MYH7B: variants seen among roughly 807,000 people sequenced by gnomAD.
MYH7B encodes myosin heavy chain 7B, also known as myosin-7B.
MYH7B carries 205 observed loss-of-function variants against 234.5 expected under a neutral mutation model. The ratio of observed to expected loss-of-function variants is 0.87; its 90% CI spans 0.78 to 0.98. The LOEUF (loss-of-function observed/expected upper bound fraction) is 0.98. Ranked by LOEUF, MYH7B falls within the 50% of genes least tolerant of loss-of-function variation. The pLI is 0.00. For missense variants in MYH7B, 2,652 were observed against 2,633.4 expected, an observed-to-expected ratio of 1.01 and a Z score of -0.15; for synonymous variants, 1,193 against 1,105.0, an observed-to-expected ratio of 1.08 and a Z score of -1.58.
At position 34,982,742 on chromosome 20, in the gene MYH7B, A is replaced by C. The variant is rs183022593; in HGVS notation, c.624+187A>C. 9.3e-3 allele frequency among the ~76,000 whole-genome samples: 1,404 copies of C among 151,552 alleles called. 9 individuals are homozygous for C. Among genetic ancestry groups the C allele is most frequent in the Non-Finnish European group, 0.016 (1,076 of 67,894 alleles). On this transcript the variant is annotated intron_variant, in intron 10 of 44. Transcript: ENST00000262873. ...AGGCTTGACCACAAAGGCTGTGGCC[A>C]CCTGACGCGCCTGCCTTCGCCTTCC...
At chr20:34,993,281 G>A (rs537188454) in intron 25 of MYH7B, 53 bp from the exon 26 acceptor site, 1 of 1,613,874 alleles carries the variant, frequency 6.2e-7, no homozygotes, top group Non-Finnish European at 8.5e-7. Context: ...CACTGGGCAG[G>A]GTTCATGCGG....
chr20:34,960,979 GCACGAGGGC>G (rs1327083794), intron 2 of MYH7B, among the ~76,000 whole-genome samples: 2 of 152,148 alleles, frequency 1.3e-5, no homozygotes, highest in African/African-American at 4.8e-5. Flanking sequence ...GTGGTTGATG[GCACGAGGGC>G]CAACTCTAGG....
At chr20:34,990,488 T>A (rs1335770310) in intron 22 of MYH7B, 178 bp downstream of exon 22, 2 of 905,288 alleles carry the variant, frequency 2.2e-6, no homozygotes, top group Admixed American at 1.7e-5. Context: ...CTACGCTGCC[T>A]GGGCAGGGTT....
chr20:34,990,326 G>A lies in MYH7B; in HGVS notation c.1977+16G>A, dbSNP rs1569048577. 6.2e-7 allele frequency: 1 copy of A among 1,614,054 alleles called. No individual in the cohort carries two copies. The highest frequency in any genetic ancestry group is 1.1e-5 in the South Asian group (1 of 91,078). ...GCTGCACAAGGTAAGGCCCCATCTG[G>A]GAGACAGACCCTCCCTCTTGGCAGC... On this transcript the variant is annotated intron_variant, in intron 22 of 44. Coordinates refer to ENST00000262873, the Ensembl canonical transcript of MYH7B.
At chr20:35,002,218 A>C in exon 45 of MYH7B, 1 of 1,508,572 alleles carries the variant, frequency 6.6e-7, no homozygotes. Context: ...CTAAAGAGGA[A>C]TGTCTGCTGT....
At chr20:34,987,964 A>T in intron 18 of MYH7B, 50 bp downstream of exon 18, 1 of 1,560,348 alleles carries the variant, frequency 6.4e-7, no homozygotes, top group South Asian at 1.2e-5. Flanking sequence ...GGTAGAGGAC[A>T]TGGGCCTGTG....
chr20:35,002,406 AT>A, exon 45 of MYH7B: 1 of 427,912 alleles, frequency 2.3e-6, no homozygotes, highest in Non-Finnish European at 4.1e-6. Context: ...CACAGCAGTC[AT>A]TTTTAAAATA....
chr20:34,986,861 T>C, intron 14 of MYH7B, 25 bp from the exon 15 acceptor site: 1 of 1,591,586 alleles, frequency 6.3e-7, no homozygotes, highest in Non-Finnish European at 8.6e-7. Flanking sequence ...TGCCTGACCC[T>C]CCCTTCTCTG....
chr20:34,994,631 A>AC (rs2082219282), intron 27 of MYH7B, among the ~76,000 whole-genome samples: 2 of 152,080 alleles, frequency 1.3e-5, no homozygotes, highest in Non-Finnish European at 2.9e-5. Flanking sequence ...AAGCAGAGGA[A>AC]CCCCAGCTCC....
chr20:34,990,293 G>T, exon 22 of MYH7B: 4 of 1,614,174 alleles, frequency 2.5e-6, no homozygotes, highest in Non-Finnish European at 3.4e-6. Flanking sequence ...GTTCCAGACG[G>T]TGTCCCAGCT....
rs554955898 is a variant in MYH7B, at chr20:34,982,555, C to T, written c.624C>T (p.Ala208=). The T allele has an allele frequency of 3.1e-5, 50 of 1,595,726 alleles. 1 individual carries two copies. The highest frequency in any genetic ancestry group is 2.2e-4 in the Admixed American group (13 of 58,464). The change falls in exon 10 of 45, where the codon GCC becomes GCT. Residue 208 remains alanine (A), a splice_region_variant and synonymous_variant. Transcript: ENST00000262873. ...TGGGAGACGGGCCGGGCAAGAAGGCCGTAAGACTTGCCCACTCGGGCATGC... is the reference window on the plus strand; with the variant it reads ...TGGGAGACGGGCCGGGCAAGAAGGCTGTAAGACTTGCCCACTCGGGCATGC...
exon 32 of MYH7B, chr20:34,997,605 C>G: frequency 6.2e-7 from 1 of 1,613,622 alleles, no homozygotes; most frequent in Non-Finnish European, 8.5e-7. Flanking sequence ...GGTGGACGAC[C>G]TGGCTGCCAA....
At chr20:34,977,505 A>C in intron 3 of MYH7B, 127 bp from the exon 4 acceptor site, 1 of 831,124 alleles carries the variant, frequency 1.2e-6, no homozygotes, top group Non-Finnish European at 2.0e-6. Context: ...AATGGGAGGT[A>C]AAAATAGCCC....
rs1435750970 is a variant in MYH7B, at chr20:34,990,308, A to C, written c.1975A>C (p.Lys659Gln). 3.7e-6 allele frequency: 6 copies of C among 1,614,154 alleles called. No homozygotes were observed. Among genetic ancestry groups the C allele is most frequent in the Non-Finnish European group, 4.2e-6 (5 of 1,180,028 alleles). Residue 659 changes from lysine to glutamine, a missense_variant and splice_region_variant, in exon 22 of 45, where the codon AAG (lysine) becomes CAG (glutamine). Transcript: ENST00000262873. ...GTTCCAGACGGTGTCCCAGCTGCAC[A>C]AGGTAAGGCCCCATCTGGGAGACAG... is the stretch of plus-strand genomic sequence containing the variant.
exon 40 of MYH7B, chr20:35,000,794 G>A: frequency 5.0e-6 from 8 of 1,613,854 alleles, no homozygotes; most frequent in African/African-American, 1.3e-5. Flanking sequence ...ACCAGAAGAA[G>A]AAGCTGGAGG....
intron 18 of MYH7B, 42 bp from the exon 19 acceptor site, chr20:34,988,050 A>G: frequency 6.3e-7 from 1 of 1,591,492 alleles, no homozygotes; most frequent in Non-Finnish European, 8.6e-7. Context: ...CCCTTTCCCC[A>G]TCTGCGAGAG....
At chr20:34,970,554 G>C (rs1025673537) in intron 2 of MYH7B, among the ~76,000 whole-genome samples, 2 of 152,206 alleles carry the variant, frequency 1.3e-5, no homozygotes, top group Non-Finnish European at 2.9e-5. Context: ...CAGCAGGGTG[G>C]GTGGGGGGTG....
At chr20:35,002,339 ATTCTT>A in exon 45 of MYH7B, 1 of 850,426 alleles carries the variant, frequency 1.2e-6, no homozygotes, top group Non-Finnish European at 1.7e-6. Context: ...TTTCCTTCTC[ATTCTT>A]TTCTTTGGGG....
chr20:34,990,100 T>C lies in MYH7B; in HGVS notation c.1854T>C (p.Asn618=), dbSNP rs768856956. The C allele has an allele frequency of 3.1e-6, 5 of 1,613,986 alleles. No homozygotes were observed. The African/African-American group carries it at 5.3e-5, about 17-fold the overall frequency. The change falls in exon 21 of 45, where the codon AAT becomes AAC. Residue 618 remains asparagine, a synonymous_variant. Transcript: ENST00000262873. ...TCCCCATCTTCCAGAAGTCACAGAA[T>C]AGGCTCCTGGCGACTCTCTATGAGA... is the stretch of plus-strand genomic sequence containing the variant.
Sources: gnomAD v4.1 joint callset for allele counts (sites outside exome capture counted in the v4.1 genomes callset) on GRCh38, gnomAD v4.1.1 for gene constraint, MANE v1.5 for transcripts, NCBI Gene and HGNC (gene_info 2026-07-23, HGNC 2026-07-21) for gene names.